ELF2: variants seen among roughly 807,000 people sequenced by gnomAD.
ELF2 encodes the protein E74 like ETS transcription factor 2.
A neutral mutation model predicts 54.8 loss-of-function variants in ELF2; 11 were observed. The ratio of observed to expected loss-of-function variants is 0.20; its 90% CI spans 0.13 to 0.33. The LOEUF is 0.33. Ranked by LOEUF, ELF2 falls within the 10% of genes least tolerant of loss-of-function variation. The pLI is 1.00. For synonymous variants in ELF2, 203 were observed against 245.1 expected (o/e 0.83, Z 1.61); for missense variants, 513 against 703.0 (o/e 0.73, Z 3.06).
chr4:139,092,418 T>TAACATAACATAACA (rs1560800899), intron 4 of ELF2, among the ~76,000 whole-genome samples: 28 of 51,286 alleles, frequency 5.5e-4, no homozygotes, highest in Admixed American at 1.9e-3. Context: ...ATAACATACA[T>TAACATAACATAACA]AACATAACAT....
Position 139,137,673 on chromosome 4 carries a change from C to T in ELF2, c.29G>A (p.Gly10Asp). Residue 10 changes from glycine (G) to aspartate (D), a missense_variant, in exon 3 of 10, where the codon GGT becomes GAT. By Grantham distance (94) the Gly-to-Asp change is moderately conservative. Around this residue, in one of 3 missense-constraint regions of ELF2, gnomAD observed 203 missense variants for 245.9 expected, o/e 0.83. Coordinates refer to ENST00000686138, the MANE Select transcript of ELF2 (RefSeq NM_001331036.3). MTSAVVDSG[G>D]TILELSSNGV... is the part of the protein sequence containing the mutation. Reference sequence around the variant, plus strand: ...ATTGCTGGAAAGCTCCAAAATAGTACCTCCACTGTCAACCACTGCTGATGT... The same window carrying T: ...ATTGCTGGAAAGCTCCAAAATAGTATCTCCACTGTCAACCACTGCTGATGT... 2 of 1,614,066 alleles carry T rather than the reference C, an allele frequency of 1.2e-6. No homozygotes were observed. Among genetic ancestry groups the T allele is most frequent in the South Asian group, 1.1e-5 (1 of 91,082 alleles).
chr4:139,146,954 G>A (rs564030172), intron 1 of ELF2, among the ~76,000 whole-genome samples: 2 of 152,208 alleles, frequency 1.3e-5, no homozygotes, highest in East Asian at 3.9e-4. Context: ...AATTCTTCTG[G>A]ACATTGGCCT....
At chr4:139,130,224 A>G (rs1290090399) in intron 3 of ELF2, among the ~76,000 whole-genome samples, 1 of 151,902 alleles carries the variant, frequency 6.6e-6, no homozygotes, top group Non-Finnish European at 1.5e-5. Flanking sequence ...GCCCTCAAAA[A>G]AAAACAAACA....
chr4:139,068,470 A>G (rs1729043439), intron 6 of ELF2, among the ~76,000 whole-genome samples: 2 of 152,254 alleles, frequency 1.3e-5, no homozygotes, highest in Non-Finnish European at 2.9e-5. Context: ...AAATGAGGAA[A>G]AGTAAAAAAT....
intron 8 of ELF2, among the ~76,000 whole-genome samples, chr4:139,061,261 G>A (rs1233777016): frequency 1.4e-5 from 2 of 147,690 alleles, no homozygotes; most frequent in Non-Finnish European, 3.0e-5. Context: ...TGCAACCTCC[G>A]CTTCCTGGGT....
chr4:139,158,716 G>C (rs1369303801), intron 1 of ELF2, among the ~76,000 whole-genome samples: 1 of 152,140 alleles, frequency 6.6e-6, no homozygotes. Flanking sequence ...GAAAAAAGCA[G>C]GTATTAAAGG....
chr4:139,108,736 A>C (rs1050414269), intron 4 of ELF2, among the ~76,000 whole-genome samples: 1 of 152,182 alleles, frequency 6.6e-6, no homozygotes, highest in African/African-American at 2.4e-5. Context: ...TGCTCTGAGA[A>C]CAGACTTGTC....
chr4:139,125,668 G>A (rs756481199), intron 3 of ELF2, among the ~76,000 whole-genome samples: 2 of 151,426 alleles, frequency 1.3e-5, no homozygotes, highest in Admixed American at 6.6e-5. Flanking sequence ...GACAAGAGGT[G>A]AGAGCAACAA....
chr4:139,078,017 A>C (rs1730564742), intron 4 of ELF2, among the ~76,000 whole-genome samples: 1 of 152,210 alleles, frequency 6.6e-6, no homozygotes, highest in African/African-American at 2.4e-5. Flanking sequence ...TACCAAAAAT[A>C]ATATTTGCTT....
intron 3 of ELF2, among the ~76,000 whole-genome samples, chr4:139,125,951 G>A (rs1315972961): frequency 1.3e-5 from 2 of 152,110 alleles, no homozygotes; most frequent in African/African-American, 4.8e-5. Context: ...ACTTTCCAGA[G>A]AGGAACAACA....
chr4:139,174,229 A>C (rs2148922950), intron 1 of ELF2, among the ~76,000 whole-genome samples: 2 of 151,480 alleles, frequency 1.3e-5, no homozygotes, highest in South Asian at 4.1e-4. Flanking sequence ...AAAAGAAAGA[A>C]AGAAAATAGA....
At chr4:139,093,317 A>G (rs1314158349) in intron 4 of ELF2, among the ~76,000 whole-genome samples, 1 of 152,044 alleles carries the variant, frequency 6.6e-6, no homozygotes, top group African/African-American at 2.4e-5. Context: ...TCCACAAAAA[A>G]CAAACAAACA....
At chr4:139,133,428 C>A (rs1737756475) in intron 3 of ELF2, among the ~76,000 whole-genome samples, 1 of 152,144 alleles carries the variant, frequency 6.6e-6, no homozygotes, top group South Asian at 2.1e-4. Flanking sequence ...TGTTGGCACA[C>A]CAATAACCAC....
chr4:139,132,284 A>T (rs1737567216), intron 3 of ELF2, among the ~76,000 whole-genome samples: 1 of 152,258 alleles, frequency 6.6e-6, no homozygotes, highest in African/African-American at 2.4e-5. Context: ...AAACTTGTGG[A>T]AGAATATGCC....
At chr4:139,071,305 G>T (rs1389719385) in intron 6 of ELF2, among the ~76,000 whole-genome samples, 5 of 151,644 alleles carry the variant, frequency 3.3e-5, no homozygotes, top group African/African-American at 1.2e-4. Flanking sequence ...ATATGAATAT[G>T]ATATATATCA....
At chr4:139,130,284 C>T (rs1278598840) in intron 3 of ELF2, among the ~76,000 whole-genome samples, 1 of 152,100 alleles carries the variant, frequency 6.6e-6, no homozygotes, top group Non-Finnish European at 1.5e-5. Flanking sequence ...TTCTGACCTC[C>T]AGAACTGTAA....
At chr4:139,071,478 C>T (rs991758317) in intron 6 of ELF2, among the ~76,000 whole-genome samples, 7 of 151,768 alleles carry the variant, frequency 4.6e-5, no homozygotes, top group African/African-American at 1.5e-4. Context: ...CAAGGGAAGA[C>T]AAGACTTTGT....
chr4:139,162,392 G>A (rs923874575), intron 1 of ELF2, among the ~76,000 whole-genome samples: 1 of 151,798 alleles, frequency 6.6e-6, no homozygotes, highest in Non-Finnish European at 1.5e-5. Flanking sequence ...AATAGCTGGT[G>A]TGGTGATGGG....
At chr4:139,125,047 A>G in intron 4 of ELF2, 117 bp downstream of exon 4, 1 of 1,243,722 alleles carries the variant, frequency 8.0e-7, no homozygotes, top group Non-Finnish European at 1.1e-6. Context: ...CTGGTTTCCA[A>G]GCTATACTAA....
Sources: allele counts gnomAD v4.1 joint callset (sites outside exome capture counted in the v4.1 genomes callset), GRCh38; gene constraint gnomAD v4.1.1; regional missense constraint gnomAD v4.1.1; transcripts MANE v1.5; gene names NCBI Gene and HGNC (gene_info 2026-07-23, HGNC 2026-07-21).